SPATA13: variants seen among roughly 807,000 people sequenced by gnomAD.
SPATA13 encodes spermatogenesis associated 13, also known as spermatogenesis-associated protein 13.
In SPATA13, 50 loss-of-function variants were observed where a neutral mutation model predicts 104.0. The observed-to-expected ratio is 0.48, with a 90% CI of 0.38 to 0.61. The LOEUF (loss-of-function observed/expected upper bound fraction) is 0.61, where lower values mean the gene tolerates loss of function less well. SPATA13 is among the 20% of genes least tolerant of loss of function. The probability of loss-of-function intolerance (pLI) is 0.00; values close to 1 mark genes in which losing one functional copy is unlikely to be tolerated. For synonymous variants in SPATA13, 606 were observed against 667.5 expected, an observed-to-expected ratio of 0.91 and a Z score of 1.42; for missense variants, 1,524 against 1,690.6, an observed-to-expected ratio of 0.90 and a Z score of 1.73.
At chr13:24,197,749 G>A (rs1870147692) in intron 1 of SPATA13, among the ~76,000 whole-genome samples, 1 of 152,072 alleles carries the variant, frequency 6.6e-6, no homozygotes, top group African/African-American at 2.4e-5. Context: ...TTATTTCCAT[G>A]TTCTGACTAA....
chr13:24,110,774 T>TAC (rs1460569761), intron 3 of SPATA13, among the ~76,000 whole-genome samples: 1 of 152,288 alleles, frequency 6.6e-6, no homozygotes, highest in Middle Eastern at 3.4e-3. Context: ...TAAAGCAGAT[T>TAC]ACACATGGGA....
chr13:24,292,114 C>T lies in SPATA13; in HGVS notation c.3080+1230C>T, dbSNP rs182989971. Among the ~76,000 whole-genome samples the T allele has an allele frequency of 1.7e-3, 256 of 152,306 alleles. 1 individual carries two copies. Among genetic ancestry groups the T allele is most frequent in the African/African-American group, 5.9e-3 (245 of 41,566 alleles). On this transcript the variant is annotated intron_variant, in intron 9 of 12. Coordinates refer to ENST00000382108, the MANE Select transcript of SPATA13 (RefSeq NM_001166271.3). Reference sequence around the variant, plus strand: ...CTGGATTCTTCTCACGCCCTTGTTCCCTAGCTATATGATCTCTTCTGGGGG... The same window carrying T: ...CTGGATTCTTCTCACGCCCTTGTTCTCTAGCTATATGATCTCTTCTGGGGG...
At chr13:24,275,512 G>T (rs1874912608) in intron 4 of SPATA13, among the ~76,000 whole-genome samples, 1 of 152,234 alleles carries the variant, frequency 6.6e-6, no homozygotes, top group Admixed American at 6.5e-5. Context: ...GACTGAAGCT[G>T]CGGGAAGTGT....
chr13:24,173,926 T>C lies in SPATA13; in HGVS notation c.-112+12994T>C, dbSNP rs1883105300. On this transcript the variant is annotated intron_variant, in intron 1 of 12. Coordinates refer to ENST00000382108, the MANE Select transcript of SPATA13 (RefSeq NM_001166271.3). Reference sequence around the variant, plus strand: ...TGAGTGATACTGGTTTGTAGTTTTCTTTTTTTGTACTGTTTTGATCAGGTT... The same window carrying C: ...TGAGTGATACTGGTTTGTAGTTTTCCTTTTTTGTACTGTTTTGATCAGGTT... Among the ~76,000 whole-genome samples the C allele has an allele frequency of 2.6e-5, 4 of 152,332 alleles. No individual in the cohort carries two copies. In the South Asian group the frequency reaches 8.3e-4, roughly 32 times the overall value.
At chr13:24,228,441 G>C (rs1872078389) in intron 2 of SPATA13, among the ~76,000 whole-genome samples, 1 of 152,176 alleles carries the variant, frequency 6.6e-6, no homozygotes, top group African/African-American at 2.4e-5. Flanking sequence ...ATGTCAAAAA[G>C]AGAAAATATA....
intron 4 of SPATA13, among the ~76,000 whole-genome samples, chr13:24,257,404 T>C (rs572923597): frequency 1.2e-4 from 18 of 152,306 alleles, no homozygotes; most frequent in Non-Finnish European, 1.5e-5. Context: ...GCCCTTTAGT[T>C]AACCAGTAAG....
intron 1 of SPATA13, among the ~76,000 whole-genome samples, chr13:24,221,806 ATT>A (rs35282665): frequency 3.4e-3 from 416 of 122,398 alleles, no homozygotes; most frequent in African/African-American, 0.011. Flanking sequence ...TTACCTCTGA[ATT>A]TTTTTTTTTT....
At chr13:24,160,594 G>T, upstream of SPATA13, 2 of 424,298 alleles carry the variant, frequency 4.7e-6, no homozygotes, top group South Asian at 9.7e-5. Context: ...GGTAGTGTGG[G>T]GGCGTGGCCG....
At chr13:24,148,722 G>T (rs1026978569) in intron 3 of SPATA13, among the ~76,000 whole-genome samples, 1 of 152,166 alleles carries the variant, frequency 6.6e-6, no homozygotes, top group Non-Finnish European at 1.5e-5. Flanking sequence ...TGTACACAAG[G>T]CTTAATGGAC....
At chr13:23,994,849 G>A (rs12862898) in intron 2 of SPATA13, among the ~76,000 whole-genome samples, 1 of 152,154 alleles carries the variant, frequency 6.6e-6, no homozygotes, top group Non-Finnish European at 1.5e-5. Context: ...CTACATTTTA[G>A]GCCAAAAGGC....
intron 2 of SPATA13, among the ~76,000 whole-genome samples, chr13:23,989,320 G>T (rs1488873936): frequency 6.6e-6 from 1 of 151,954 alleles, no homozygotes; most frequent in East Asian, 1.9e-4. Context: ...TACTCAGGAG[G>T]CTGAGGAAGG....
chr13:24,156,163 C>T (rs769907954), upstream of SPATA13, among the ~76,000 whole-genome samples: 1 of 152,140 alleles, frequency 6.6e-6, no homozygotes, highest in South Asian at 2.1e-4. Flanking sequence ...AATATCTGTT[C>T]GAGTCCCTGC....
chr13:24,073,823 T>C (rs779183331), intron 3 of SPATA13, among the ~76,000 whole-genome samples: 1 of 152,304 alleles, frequency 6.6e-6, no homozygotes. Flanking sequence ...GGAGAAATAG[T>C]CTGAAACACC....
At chr13:24,235,557 C>T (rs1872526454) in intron 2 of SPATA13, among the ~76,000 whole-genome samples, 4 of 152,054 alleles carry the variant, frequency 2.6e-5, no homozygotes, top group African/African-American at 4.8e-5. Flanking sequence ...CTCAGGAGCT[C>T]GAGACCAGCC....
At chr13:24,005,081 T>C (rs1048618003) in intron 2 of SPATA13, among the ~76,000 whole-genome samples, 9 of 152,184 alleles carry the variant, frequency 5.9e-5, no homozygotes, top group Non-Finnish European at 8.8e-5. Flanking sequence ...GAGCTAAGAG[T>C]TTCTCAAAGT....
intron 3 of SPATA13, among the ~76,000 whole-genome samples, chr13:24,070,972 C>T (rs1042969183): frequency 2.0e-5 from 3 of 152,292 alleles, no homozygotes; most frequent in South Asian, 2.1e-4. Context: ...CAATTGTAGG[C>T]GTCAGGTCCT....
chr13:24,052,360 C>T (rs151254255), intron 3 of SPATA13, among the ~76,000 whole-genome samples: 323 of 151,100 alleles, frequency 2.1e-3, no homozygotes, highest in African/African-American at 7.5e-3. Flanking sequence ...GCAGCGTTAA[C>T]GAGATCCCAT....
intron 1 of SPATA13, among the ~76,000 whole-genome samples, chr13:23,980,680 C>T (rs183535543): frequency 1.4e-4 from 21 of 152,262 alleles, no homozygotes; most frequent in Non-Finnish European, 2.6e-4. Flanking sequence ...AAACCTCTGC[C>T]TCCCGGGTTC....
intron 2 of SPATA13, among the ~76,000 whole-genome samples, chr13:24,245,101 C>A (rs922813984): frequency 1.3e-5 from 2 of 152,122 alleles, no homozygotes; most frequent in African/African-American, 4.8e-5. Context: ...TGCCCAGCTG[C>A]ATGTTTCTTT....
Sources: allele counts gnomAD v4.1 joint callset (sites outside exome capture counted in the v4.1 genomes callset), GRCh38; gene constraint gnomAD v4.1.1; transcripts MANE v1.5; gene names NCBI Gene and HGNC (gene_info 2026-07-23, HGNC 2026-07-21).